The following GAS7 variants were observed in gnomAD, a reference collection of about 807,000 sequenced individuals.
GAS7 encodes the protein growth arrest specific 7.
In GAS7, 28 loss-of-function variants were observed where a neutral mutation model predicts 71.1. The ratio of observed to expected loss-of-function variants is 0.39; its 90% CI spans 0.29 to 0.54. GAS7 has a LOEUF of 0.54. GAS7 is among the 20% of genes least tolerant of loss of function. The pLI is 0.62. For missense variants in GAS7, 436 were observed against 627.8 expected (o/e 0.69, Z 3.27); for synonymous variants, 258 against 245.8 (o/e 1.05, Z -0.46).
chr17:10,134,149 G>A (rs192795110), intron 1 of GAS7, among the ~76,000 whole-genome samples: 2 of 152,158 alleles, frequency 1.3e-5, no homozygotes, highest in Non-Finnish European at 2.9e-5. Flanking sequence ...TCCTGCTTCA[G>A]CCTCCCGAGT....
chr17:10,092,075 C>A (rs2073589088), intron 1 of GAS7, among the ~76,000 whole-genome samples: 1 of 152,166 alleles, frequency 6.6e-6, no homozygotes, highest in South Asian at 2.1e-4. Flanking sequence ...CCGTTTCTCC[C>A]CCTATTCCAG....
chr17:9,994,775 A>C (rs1006570780), intron 2 of GAS7, among the ~76,000 whole-genome samples: 1 of 151,822 alleles, frequency 6.6e-6, no homozygotes, highest in Non-Finnish European at 1.5e-5. Flanking sequence ...TTCACAACCT[A>C]CTCACCTGAC....
chr17:10,116,654 A>G (rs1482642018), intron 1 of GAS7, among the ~76,000 whole-genome samples: 1 of 152,190 alleles, frequency 6.6e-6, no homozygotes, highest in Non-Finnish European at 1.5e-5. Flanking sequence ...TGGGAAGAGA[A>G]GGTATTCCAG....
Position 9,969,657 on chromosome 17 carries a change from C to A in GAS7, c.471+20G>T. 1 of 1,458,122 alleles carries A rather than the reference C, an allele frequency of 6.9e-7. No homozygotes were observed. The highest frequency in any genetic ancestry group is 9.6e-7 in the Non-Finnish European group (1 of 1,037,558). 90.3% of individuals were successfully genotyped at this position (1,458,122 alleles called of 1,614,324 possible). A position where few individuals can be genotyped will look rare whatever the true frequency, so the allele number is the denominator to read the frequency against. ...TGCAGAAGCAGTGACCGCTATACCT[C>A]CCTCAACAGGACCCCTTACCTGGGA... On this transcript the variant is annotated intron_variant, in intron 4 of 13. Transcript: ENST00000432992. This position sits in a 1 kb window ranked among gnomAD's most constrained non-coding sequence, Gnocchi z 5.5.
chr17:10,045,193 T>C (rs368127780), intron 1 of GAS7, among the ~76,000 whole-genome samples: 2 of 151,958 alleles, frequency 1.3e-5, no homozygotes, highest in African/African-American at 4.8e-5. Context: ...CCTATGAGCA[T>C]AGGATGCAAA....
intron 2 of GAS7, among the ~76,000 whole-genome samples, chr17:10,009,087 G>A (rs1300105101): frequency 4.6e-5 from 7 of 151,930 alleles, no homozygotes; most frequent in Non-Finnish European, 7.4e-5. Flanking sequence ...TTGGGAGGCC[G>A]AGGCGGGCGG....
intron 5 of GAS7, among the ~76,000 whole-genome samples, chr17:9,949,229 G>A (rs73974346): frequency 0.01 from 1,554 of 151,170 alleles, 17 homozygotes; most frequent in Non-Finnish European, 0.016. Context: ...TGCGTCCAAG[G>A]GGCAGATCCT....
intron 1 of GAS7, among the ~76,000 whole-genome samples, chr17:10,054,848 C>T (rs982483223): frequency 6.6e-6 from 1 of 152,154 alleles, no homozygotes; most frequent in African/African-American, 2.4e-5. Context: ...AACTGGGCTC[C>T]CTGAGCCTGG....
intron 2 of GAS7, among the ~76,000 whole-genome samples, chr17:9,985,600 G>C (rs1213828113): frequency 6.6e-6 from 1 of 152,184 alleles, no homozygotes; most frequent in African/African-American, 2.4e-5. Flanking sequence ...CTCTAGAGTG[G>C]GTGCTGTAGT....
chr17:10,000,744 T>C (rs7214240), intron 2 of GAS7, among the ~76,000 whole-genome samples: 35,798 of 152,078 alleles, frequency 0.24, 6,428 homozygotes, highest in African/African-American at 0.51. Context: ...GATCGCAGCA[T>C]TCAAAAATCA....
At chr17:10,083,470 G>A (rs1289022116) in intron 1 of GAS7, among the ~76,000 whole-genome samples, 4 of 152,256 alleles carry the variant, frequency 2.6e-5, no homozygotes, top group Admixed American at 6.5e-5. Flanking sequence ...ACTTCTGGCT[G>A]GCGATGCCAG....
intron 8 of GAS7, among the ~76,000 whole-genome samples, chr17:9,939,256 CA>C (rs1180006661): frequency 6.6e-6 from 1 of 152,154 alleles, no homozygotes; most frequent in Non-Finnish European, 1.5e-5. Flanking sequence ...CCATTTCCCC[CA>C]GGGGTGCATA....
At chr17:9,935,409 A>G (rs2068364653) in intron 8 of GAS7, among the ~76,000 whole-genome samples, 1 of 152,134 alleles carries the variant, frequency 6.6e-6, no homozygotes, top group African/African-American at 2.4e-5. Context: ...TAACCGCATG[A>G]CCCTTCCAAG....
chr17:10,148,715 T>A (rs2074140495), intron 1 of GAS7, among the ~76,000 whole-genome samples: 1 of 150,280 alleles, frequency 6.7e-6, no homozygotes, highest in Non-Finnish European at 1.5e-5. Flanking sequence ...ATCGAGACCA[T>A]CCTGGCTAAC....
intron 1 of GAS7, among the ~76,000 whole-genome samples, chr17:10,193,279 C>A (rs1041860124): frequency 1.0e-3 from 94 of 90,232 alleles, no homozygotes; most frequent in African/African-American, 3.7e-3. Flanking sequence ...AAAAAAAAAA[C>A]CCTCCAAGGA....
At position 10,198,467 on chromosome 17, in the gene GAS7, C is replaced by A; in HGVS notation, c.-77G>T. On this transcript the variant is annotated 5_prime_UTR_variant, in exon 1 of 14. Coordinates refer to ENST00000432992, the MANE Select transcript of GAS7 (RefSeq NM_201433.2). ...GGGCTGGGCAGCGGCTCCGCGGGGT[C>A]CCAGGCGCCCGGCGCTCCGGGCTCC... The A allele has an allele frequency of 8.9e-7, 1 of 1,129,746 alleles. No individual in the cohort carries two copies. The highest frequency in any genetic ancestry group is 1.2e-6 in the Non-Finnish European group (1 of 861,196). The allele number at this position is 1,129,746 out of a possible 1,614,324, so 70.0% of individuals were successfully genotyped here. A position where few individuals can be genotyped will look rare whatever the true frequency, so the allele number is the denominator to read the frequency against.
chr17:9,989,521 A>C (rs915313039), intron 2 of GAS7, among the ~76,000 whole-genome samples: 2 of 152,152 alleles, frequency 1.3e-5, no homozygotes, highest in Admixed American at 1.3e-4. Flanking sequence ...TAAAATGTGT[A>C]TGTGTATAAA....
intron 1 of GAS7, among the ~76,000 whole-genome samples, chr17:10,064,980 C>G (rs779185698): frequency 1.4e-5 from 2 of 147,432 alleles, no homozygotes; most frequent in Non-Finnish European, 3.0e-5. Context: ...GCCACCACAC[C>G]TAGTGAATTT....
intron 5 of GAS7, among the ~76,000 whole-genome samples, chr17:9,951,517 G>A (rs1250241865): frequency 6.6e-6 from 1 of 152,170 alleles, no homozygotes; most frequent in Admixed American, 6.5e-5. Flanking sequence ...AGCACTTTGG[G>A]AGGCCGAGAT....
Sources: allele counts gnomAD v4.1 joint callset (sites outside exome capture counted in the v4.1 genomes callset), GRCh38; gene constraint gnomAD v4.1.1; non-coding constraint Gnocchi (gnomAD v3.1); transcripts MANE v1.5; gene names NCBI Gene and HGNC (gene_info 2026-07-23, HGNC 2026-07-21).